GABRG3: variants seen among roughly 807,000 people sequenced by gnomAD.
GABRG3 encodes the protein gamma-aminobutyric acid type A receptor subunit gamma3.
A neutral mutation model predicts 48.8 loss-of-function variants in GABRG3; 25 were observed. That is an observed-to-expected ratio of 0.51 (90% CI 0.37 to 0.72). GABRG3 has a LOEUF of 0.72. Ranked by LOEUF, GABRG3 falls within the 30% of genes least tolerant of loss-of-function variation. GABRG3 has a pLI of 0.00. For synonymous variants in GABRG3, 227 were observed against 217.6 expected (o/e 1.04, Z -0.38); for missense variants, 394 against 577.9 (o/e 0.68, Z 3.26).
intron 3 of GABRG3, among the ~76,000 whole-genome samples, chr15:27,279,305 G>A (rs1404034467): frequency 6.6e-6 from 1 of 152,072 alleles, no homozygotes; most frequent in Non-Finnish European, 1.5e-5. Flanking sequence ...TATGCATTGT[G>A]TTTTGGATTT....
chr15:27,211,398 C>T lies in GABRG3; in HGVS notation c.271-115411C>T, dbSNP rs553420652. 1.8e-4 allele frequency among the ~76,000 whole-genome samples: 27 copies of T among 152,278 alleles called. No individual in the cohort carries two copies. The South Asian group carries it at 2.7e-3, about 15-fold the overall frequency. ...AGGACTGCTTAGGAAACAAATAATCCGTGAAGCGTGGAGCCGCCCCATCCT... is the reference window on the plus strand; with the variant it reads ...AGGACTGCTTAGGAAACAAATAATCTGTGAAGCGTGGAGCCGCCCCATCCT... On this transcript the variant is annotated intron_variant, in intron 3 of 9. Transcript: ENST00000615808.
intron 3 of GABRG3, among the ~76,000 whole-genome samples, chr15:27,159,805 T>C (rs1898532338): frequency 6.6e-6 from 1 of 152,186 alleles, no homozygotes; most frequent in African/African-American, 2.4e-5. Context: ...TGTGACCTGC[T>C]TACCTTATGG....
rs113260228 is a variant in GABRG3, at chr15:27,209,494, G to A, written c.271-117315G>A. On this transcript the variant is annotated intron_variant, in intron 3 of 9. Transcript: ENST00000615808. ...GTGCTTCTTAACAGTTTTGGTCTAC[G>A]CAAGCAATGTAAGAGGAAGATGTCT... is the stretch of plus-strand genomic sequence containing the variant. Among the ~76,000 whole-genome samples, 83 of 152,040 alleles carry A rather than the reference G, an allele frequency of 5.5e-4. 1 individual carries two copies. Among genetic ancestry groups the A allele is most frequent in the African/African-American group, 1.7e-3 (70 of 41,498 alleles).
intron 7 of GABRG3, among the ~76,000 whole-genome samples, chr15:27,521,111 T>C (rs1204288668): frequency 6.6e-6 from 1 of 152,170 alleles, no homozygotes; most frequent in Non-Finnish European, 1.5e-5. Flanking sequence ...CATCTAAAGA[T>C]AAGCTTCAAA....
intron 5 of GABRG3, among the ~76,000 whole-genome samples, chr15:27,453,372 T>G (rs1889167420): frequency 6.6e-6 from 1 of 152,228 alleles, no homozygotes; most frequent in African/African-American, 2.4e-5. Context: ...TTGCAATGTA[T>G]ATCAAAATCT....
chr15:27,534,487 T>C lies in GABRG3; in HGVS notation c.*1606T>C, dbSNP rs1891505186. ...ACAAGTCCTACCAGTTAGTTAATAATGCTTTGGCATTGTTAAAATTTGAAA... is the reference window on the plus strand; with the variant it reads ...ACAAGTCCTACCAGTTAGTTAATAACGCTTTGGCATTGTTAAAATTTGAAA... On this transcript the variant is annotated 3_prime_UTR_variant, in exon 10 of 10. Transcript: ENST00000615808. 6.6e-6 allele frequency: 1 copy of C among 152,226 alleles called. No homozygotes were observed. Among genetic ancestry groups the C allele is most frequent in the African/African-American group, 2.4e-5 (1 of 41,470 alleles). 9.4% of individuals were successfully genotyped at this position (152,226 alleles called of 1,614,324 possible).
chr15:27,252,158 C>T (rs1267990226), intron 3 of GABRG3, among the ~76,000 whole-genome samples: 1 of 152,146 alleles, frequency 6.6e-6, no homozygotes, highest in Middle Eastern at 3.4e-3. Flanking sequence ...TTTGTGAAAT[C>T]GGGGGACATA....
intron 5 of GABRG3, among the ~76,000 whole-genome samples, chr15:27,380,420 G>T (rs1377312833): frequency 6.7e-6 from 1 of 148,762 alleles, no homozygotes; most frequent in Non-Finnish European, 1.5e-5. Context: ...AACTGTGTGT[G>T]TGTGGTTTTT....
intron 3 of GABRG3, among the ~76,000 whole-genome samples, chr15:27,317,766 TAAAA>T (rs1165813440): frequency 1.3e-5 from 2 of 151,968 alleles, no homozygotes; most frequent in Non-Finnish European, 2.9e-5. Context: ...AGCTAAAAAA[TAAAA>T]AAGTGATTGA....
At chr15:27,074,252 A>G (rs1896873457) in intron 3 of GABRG3, among the ~76,000 whole-genome samples, 1 of 152,194 alleles carries the variant, frequency 6.6e-6, no homozygotes, top group East Asian at 1.9e-4. Context: ...GTGAGGACAC[A>G]GAGCCAAACC....
chr15:27,263,616 C>T (rs1234565792), intron 3 of GABRG3, among the ~76,000 whole-genome samples: 6 of 152,170 alleles, frequency 3.9e-5, no homozygotes, highest in Non-Finnish European at 8.8e-5. Flanking sequence ...AATTTATAAA[C>T]CCCAAATGCT....
chr15:27,119,224 C>G (rs970313814), intron 3 of GABRG3, among the ~76,000 whole-genome samples: 2 of 152,188 alleles, frequency 1.3e-5, no homozygotes, highest in African/African-American at 4.8e-5. Context: ...CAACTGTCCA[C>G]TCTTCATCAG....
chr15:27,056,207 C>T (rs907244296), intron 3 of GABRG3, among the ~76,000 whole-genome samples: 1 of 151,180 alleles, frequency 6.6e-6, no homozygotes, highest in Non-Finnish European at 1.5e-5. Context: ...AATAATGAGC[C>T]AGGTGTGGTG....
chr15:27,423,506 G>A (rs937872456), intron 5 of GABRG3, among the ~76,000 whole-genome samples: 8 of 150,854 alleles, frequency 5.3e-5, no homozygotes, highest in Non-Finnish European at 4.4e-5. Flanking sequence ...GAGAATTTGA[G>A]CAATCCATTT....
At chr15:27,090,040 T>C (rs138238428) in intron 3 of GABRG3, among the ~76,000 whole-genome samples, 4 of 152,346 alleles carry the variant, frequency 2.6e-5, no homozygotes, top group African/African-American at 9.6e-5. Flanking sequence ...AACACCTGTT[T>C]TCAGTTCTTT....
intron 3 of GABRG3, among the ~76,000 whole-genome samples, chr15:27,184,886 G>C (rs1454674): frequency 0.66 from 100,567 of 151,288 alleles, 34,052 homozygotes; most frequent in East Asian, 0.88. Context: ...GCAAGATCCT[G>C]TGGTTCACTC....
At chr15:27,313,051 T>A (rs1893050166) in intron 3 of GABRG3, among the ~76,000 whole-genome samples, 1 of 148,476 alleles carries the variant, frequency 6.7e-6, no homozygotes, top group Non-Finnish European at 1.5e-5. Flanking sequence ...AAAAACTCCA[T>A]GCAAATGGCA....
chr15:27,365,211 T>C (rs569691721), intron 5 of GABRG3: 1 of 138,022 alleles, frequency 7.2e-6, no homozygotes, highest in East Asian at 2.0e-4. Flanking sequence ...CAGGGAAATA[T>C]ACTGATACAC....
intron 6 of GABRG3, among the ~76,000 whole-genome samples, chr15:27,509,506 C>A (rs1336769379): frequency 6.6e-6 from 1 of 152,048 alleles, no homozygotes. Flanking sequence ...TTTCACAGCT[C>A]TTGGTTTCTC....
Sources: allele counts gnomAD v4.1 joint callset (sites outside exome capture counted in the v4.1 genomes callset), GRCh38; gene constraint gnomAD v4.1.1; transcripts MANE v1.5; gene names NCBI Gene and HGNC (gene_info 2026-07-23, HGNC 2026-07-21).